The following VPS13B variants were observed in gnomAD, a reference collection of about 807,000 sequenced individuals.
VPS13B encodes intermembrane lipid transfer protein VPS13B.
Under a neutral mutation model 426.4 loss-of-function variants are expected in VPS13B, and 285 were observed. That is an observed-to-expected ratio of 0.67 (90% CI 0.61 to 0.74). The LOEUF (loss-of-function observed/expected upper bound fraction) is 0.74, where lower values mean the gene tolerates loss of function less well. Ranked by LOEUF, VPS13B falls within the 30% of genes least tolerant of loss-of-function variation. The pLI, the probability that VPS13B is intolerant of heterozygous loss-of-function variation, is 0.00. For missense variants in VPS13B, 4,537 were observed against 4,782.6 expected, an observed-to-expected ratio of 0.95 and a Z score of 1.51; for synonymous variants, 1,676 against 1,676.4, an observed-to-expected ratio of 1.00 and a Z score of 0.01.
At chr8:99,562,762 G>A (rs1001493531) in intron 31 of VPS13B, among the ~76,000 whole-genome samples, 2 of 152,018 alleles carry the variant, frequency 1.3e-5, no homozygotes, top group Non-Finnish European at 2.9e-5. Context: ...TGGGTTTCCG[G>A]TTGTGCTGTC....
rs370553795 is a variant in VPS13B, at chr8:99,589,452, G to T, written c.5220+11819G>T. Among the ~76,000 whole-genome samples the T allele has an allele frequency of 4.0e-5, 6 of 151,572 alleles. No homozygotes were observed. In the South Asian group the frequency reaches 8.3e-4, roughly 21 times the overall value. Reference sequence around the variant, plus strand: ...TTCCCACCTATGAGTGAGAACATGCGGTGTTTGGTTTTTTGTCCTTGCGAT... The same window carrying T: ...TTCCCACCTATGAGTGAGAACATGCTGTGTTTGGTTTTTTGTCCTTGCGAT... On this transcript the variant is annotated intron_variant, in intron 33 of 61. Coordinates refer to ENST00000357162, the MANE Select transcript of VPS13B (RefSeq NM_152564.5).
chr8:99,427,803 A>C (rs1000604261), intron 21 of VPS13B, among the ~76,000 whole-genome samples: 4 of 151,644 alleles, frequency 2.6e-5, no homozygotes, highest in Admixed American at 6.6e-5. Context: ...GTTCATATGG[A>C]ACCAAAAAAG....
chr8:99,316,034 G>A (rs1417792039), intron 19 of VPS13B, among the ~76,000 whole-genome samples: 2 of 152,178 alleles, frequency 1.3e-5, no homozygotes, highest in African/African-American at 2.4e-5. Context: ...GATTCTGGGT[G>A]CATTATATGG....
chr8:99,696,621 C>T (rs1357556480), intron 35 of VPS13B: 11 of 664,534 alleles, frequency 1.7e-5, no homozygotes, highest in Non-Finnish European at 3.1e-5. Context: ...GAAGGAGCTT[C>T]GGGTCAACCT....
chr8:99,373,079 C>T (rs1813281082), intron 19 of VPS13B, among the ~76,000 whole-genome samples: 1 of 152,168 alleles, frequency 6.6e-6, no homozygotes, highest in Admixed American at 6.5e-5. Context: ...AAACCAAACA[C>T]TGCATATTCT....
Position 99,876,999 on chromosome 8 carries a change from C to CACAGGTATGCACCACCATACCT in VPS13B, c.*1334_*1355dup, listed in dbSNP as rs1174052632. On this transcript the variant is annotated 3_prime_UTR_variant, in exon 62 of 62. Coordinates refer to ENST00000357162, the MANE Select transcript of VPS13B (RefSeq NM_152564.5). ...TCCCAAGCAGCTGGGACTACACCAC[C>CACAGGTATGCACCACCATACCT]ACAGGTATGCACCACCATACCTGGC... The CACAGGTATGCACCACCATACCT allele has an allele frequency of 6.6e-6, 1 of 152,114 alleles. No individual in the cohort carries two copies. Among genetic ancestry groups the CACAGGTATGCACCACCATACCT allele is most frequent in the Non-Finnish European group, 1.5e-5 (1 of 68,058 alleles). The allele number at this position is 152,114 out of a possible 1,614,324, so 9.4% of individuals were successfully genotyped here. A position where few individuals can be genotyped will look rare whatever the true frequency, so the allele number is the denominator to read the frequency against.
chr8:99,460,048 A>C (rs1818744314), intron 23 of VPS13B, among the ~76,000 whole-genome samples: 1 of 152,148 alleles, frequency 6.6e-6, no homozygotes, highest in South Asian at 2.1e-4. Flanking sequence ...TATTTAATGC[A>C]GTCTGACAAT....
chr8:99,535,125 T>G lies in VPS13B; in HGVS notation c.4745+14115T>G, dbSNP rs138897672. 5.4e-3 allele frequency among the ~76,000 whole-genome samples: 822 copies of G among 152,256 alleles called. 5 individuals carry two copies. The highest frequency in any genetic ancestry group is 9.7e-3 in the Non-Finnish European group (661 of 67,984). On this transcript the variant is annotated intron_variant, in intron 30 of 61. Transcript: ENST00000357162. ...AATTAAGAAGCAGACATCTATTAAT[T>G]AATTTAATGTGCAGAATTAATAATA...
intron 35 of VPS13B, chr8:99,697,022 C>A: frequency 1.7e-6 from 1 of 580,738 alleles, no homozygotes; most frequent in Non-Finnish European, 3.2e-6. Flanking sequence ...TCCGCCTCAG[C>A]TGAAGCAGTG....
intron 19 of VPS13B, among the ~76,000 whole-genome samples, chr8:99,353,618 A>C (rs1236025380): frequency 1.3e-5 from 2 of 151,242 alleles, no homozygotes; most frequent in Non-Finnish European, 2.9e-5. Flanking sequence ...AAAAAAAAAA[A>C]CAACAGAATA....
intron 21 of VPS13B, among the ~76,000 whole-genome samples, chr8:99,397,601 T>A (rs922466374): frequency 1.3e-5 from 2 of 152,224 alleles, no homozygotes; most frequent in Non-Finnish European, 2.9e-5. Context: ...GATCCAATTT[T>A]GTCTCTCATT....
At chr8:99,597,446 C>A (rs1268660924) in intron 33 of VPS13B, among the ~76,000 whole-genome samples, 1 of 151,918 alleles carries the variant, frequency 6.6e-6, no homozygotes, top group African/African-American at 2.4e-5. Flanking sequence ...AGAGAAGGAG[C>A]CAAATGAACA....
chr8:99,593,999 G>A (rs1398229927), intron 33 of VPS13B, among the ~76,000 whole-genome samples: 2 of 151,898 alleles, frequency 1.3e-5, no homozygotes, highest in Non-Finnish European at 2.9e-5. Flanking sequence ...GGGATGATCT[G>A]TGCAGGAAAC....
chr8:99,234,420 A>G, intron 17 of VPS13B: 2 of 672,726 alleles, frequency 3.0e-6, no homozygotes, highest in Non-Finnish European at 2.8e-6. Flanking sequence ...GAGACCGAGT[A>G]ATCAACTTCC....
At chr8:99,582,824 T>G (rs1041937335) in intron 33 of VPS13B, among the ~76,000 whole-genome samples, 1 of 151,938 alleles carries the variant, frequency 6.6e-6, no homozygotes, top group Admixed American at 6.6e-5. Context: ...CCCGGCTAAT[T>G]TTTTGTATTT....
chr8:99,375,444 C>G (rs1036642649), intron 19 of VPS13B, among the ~76,000 whole-genome samples: 1 of 152,116 alleles, frequency 6.6e-6, no homozygotes, highest in Non-Finnish European at 1.5e-5. Flanking sequence ...CTACATCCTA[C>G]GAGAAGAGGA....
At chr8:99,160,551 T>G (rs1244591023) in intron 15 of VPS13B, among the ~76,000 whole-genome samples, 3 of 148,736 alleles carry the variant, frequency 2.0e-5, no homozygotes, top group Non-Finnish European at 4.4e-5. Context: ...CCTGGGAGGC[T>G]GAGGTGAGAG....
intron 35 of VPS13B, chr8:99,696,079 G>A (rs1458590832): frequency 6.4e-6 from 1 of 155,150 alleles, no homozygotes; most frequent in Non-Finnish European, 1.4e-5. Context: ...ATGGCTGTTA[G>A]GCCTTGAGGC....
chr8:99,823,554 G>T (rs1814501161), intron 50 of VPS13B, among the ~76,000 whole-genome samples: 2 of 152,044 alleles, frequency 1.3e-5, no homozygotes, highest in African/African-American at 4.8e-5. Context: ...TGAGGTTACT[G>T]GTAAAATAAC....
Sources: allele counts gnomAD v4.1 joint callset (sites outside exome capture counted in the v4.1 genomes callset), GRCh38; gene constraint gnomAD v4.1.1; transcripts MANE v1.5; gene names NCBI Gene and HGNC (gene_info 2026-07-23, HGNC 2026-07-21).